The following URB1 variants were observed in gnomAD, a reference collection of about 807,000 sequenced individuals.
URB1 encodes the protein nucleolar pre-ribosomal-associated protein 1.
A neutral mutation model predicts 242.3 loss-of-function variants in URB1; 197 were observed. The ratio of observed to expected loss-of-function variants is 0.81; its 90% CI spans 0.72 to 0.91. The LOEUF (loss-of-function observed/expected upper bound fraction) is 0.91. Among genes scored for constraint, URB1 ranks in the 40% least tolerant of loss-of-function variants. The probability of loss-of-function intolerance (pLI) is 0.00; values close to 1 mark genes in which losing one functional copy is unlikely to be tolerated. For missense variants in URB1, 2,721 were observed against 2,860.5 expected (o/e 0.95, Z 1.11); for synonymous variants, 1,153 against 1,201.8 (o/e 0.96, Z 0.84).
Position 32,337,430 on chromosome 21 carries a change from GC to G in URB1, c.4594del (p.Ala1532ProfsTer9). On this transcript the variant is annotated frameshift_variant, in exon 27 of 39. Transcript: ENST00000382751. LOFTEE classifies it high-confidence loss of function. The part of the protein sequence containing the change: ...ESSHFAVLLG[A>X]YGATLSVLDQ... ...TAGGACGCTGAGAGTGGCGCCATAG[GC>G]CCCGAGAAGCACTGCAAAGTGGCTG... 1 of 1,551,580 alleles carries G rather than the reference GC, an allele frequency of 6.4e-7. No individual in the cohort carries two copies. Among genetic ancestry groups the G allele is most frequent in the Non-Finnish European group, 8.7e-7 (1 of 1,146,946 alleles).
intron 25 of URB1, among the ~76,000 whole-genome samples, chr21:32,340,175 C>G (rs1044465492): frequency 6.6e-6 from 1 of 152,204 alleles, no homozygotes; most frequent in Non-Finnish European, 1.5e-5. Flanking sequence ...AAATACTTTT[C>G]TCTGTTTCAA....
intron 10 of URB1, among the ~76,000 whole-genome samples, chr21:32,363,738 C>T (rs749959385): frequency 4.6e-5 from 7 of 152,070 alleles, no homozygotes; most frequent in Non-Finnish European, 7.4e-5. Context: ...CATAGCTCAC[C>T]GCAGCCTCAA....
rs1312360633 is a variant in URB1 at position 32,313,871 on chromosome 21, A to G, written c.*1047T>C. ...AACTAATATATGACCATTAAGAGTA[A>G]AATTCTGACCTTTAAAATAAATGCA... On this transcript the variant is annotated 3_prime_UTR_variant, in exon 39 of 39. Coordinates refer to ENST00000382751, the MANE Select transcript of URB1 (RefSeq NM_014825.3). 3 of 152,256 alleles carry G rather than the reference A, an allele frequency of 2.0e-5. No homozygotes were observed. The highest frequency in any genetic ancestry group is 7.2e-5 in the African/African-American group (3 of 41,458). The allele number at this position is 152,256 out of a possible 1,614,324, so 9.4% of individuals were successfully genotyped here.
In URB1 at chr21:32,362,040, C is replaced by T. The variant is rs1044986872; in HGVS notation, c.1510-19G>A. On this transcript the variant is annotated intron_variant, in intron 11 of 38. Transcript: ENST00000382751. ...GCAAAATCTAAATGGGAAAAAGAAG[C>T]AGAACATTAGTTGTAGTCAACCACA... The T allele has an allele frequency of 1.9e-6, 3 of 1,550,254 alleles. No individual in the cohort carries two copies. The highest frequency in any genetic ancestry group is 3.9e-5 in the Admixed American group (2 of 50,748).
intron 2 of URB1, among the ~76,000 whole-genome samples, chr21:32,385,007 A>AAAAGAAAGAAAGAAAGAAAGAAAG (rs56918578): frequency 3.2e-4 from 49 of 151,026 alleles, no homozygotes; most frequent in African/African-American, 1.2e-3. Flanking sequence ...AAAAGAAAAG[A>AAAAGAAAGAAAGAAAGAAAGAAAG]AAAGAAAGAA....
intron 30 of URB1, among the ~76,000 whole-genome samples, chr21:32,326,522 T>G (rs1453968112): frequency 1.3e-5 from 2 of 152,194 alleles, no homozygotes; most frequent in Non-Finnish European, 2.9e-5. Flanking sequence ...GGTTTGGATT[T>G]GTGGCCCTAC....
intron 31 of URB1, 27 bp downstream of exon 31, chr21:32,325,202 A>G (rs772125771): frequency 6.5e-7 from 1 of 1,532,638 alleles, no homozygotes; most frequent in Non-Finnish European, 8.8e-7. Context: ...CCACCCCCAC[A>G]GTAGGATGTA....
At chr21:32,364,853 CACTT>C (rs1261398737) in intron 10 of URB1, among the ~76,000 whole-genome samples, 1 of 152,204 alleles carries the variant, frequency 6.6e-6, no homozygotes, top group Non-Finnish European at 1.5e-5. Flanking sequence ...CACTGGGTCT[CACTT>C]ACATAAAAAC....
At chr21:32,339,489 T>C (rs2033002942) in intron 25 of URB1, among the ~76,000 whole-genome samples, 2 of 151,130 alleles carry the variant, frequency 1.3e-5, no homozygotes, top group Middle Eastern at 3.4e-3. Context: ...TTTTCTTTTT[T>C]TTTTCTTTTT....
At chr21:32,318,235 C>G (rs1373406628) in intron 36 of URB1, among the ~76,000 whole-genome samples, 1 of 152,158 alleles carries the variant, frequency 6.6e-6, no homozygotes, top group East Asian at 1.9e-4. Flanking sequence ...TGCGAGGGCT[C>G]CACTCCAGGC....
At chr21:32,356,706 T>C (rs1355864071) in intron 15 of URB1, among the ~76,000 whole-genome samples, 1 of 152,210 alleles carries the variant, frequency 6.6e-6, no homozygotes. Context: ...GACGAAATGA[T>C]TTCCCTAAAT....
rs754510391 is a variant in URB1, at chr21:32,314,925, T to C, written c.6809A>G (p.Asp2270Gly). 1 of 1,550,620 alleles carries C rather than the reference T, an allele frequency of 6.4e-7. No homozygotes were observed. Among genetic ancestry groups the C allele is most frequent in the Non-Finnish European group, 8.7e-7 (1 of 1,146,520 alleles). The change falls in exon 39 of 39, where the codon GAT (aspartate) becomes GGT (glycine). Residue 2270 changes from aspartate (D) to glycine (G), a missense_variant. Asp to Gly is a moderately conservative substitution (Grantham distance 94). Transcript: ENST00000382751. Reference protein sequence around the residue: ...LCKDAASAASDA With the variant: ...LCKDAASAASGA The stretch of plus-strand genomic sequence containing the variant: ...GGTGCTGGCCGGCAGGAGTCAAGCA[T>C]CTGAGGCTGCGCTGGCGGCGTCCTT...
At chr21:32,328,103 G>T (rs2032850994) in intron 30 of URB1, among the ~76,000 whole-genome samples, 1 of 152,154 alleles carries the variant, frequency 6.6e-6, no homozygotes. Context: ...GATGACTCTT[G>T]GGCATAGCAG....
chr21:32,351,005 C>T, intron 19 of URB1, 83 bp from the exon 20 acceptor site: 1 of 1,353,142 alleles, frequency 7.4e-7, no homozygotes, highest in Non-Finnish European at 1.0e-6. Context: ...TAACACACAA[C>T]AAACGGACAT....
At chr21:32,327,762 G>T (rs528864434) in intron 30 of URB1, among the ~76,000 whole-genome samples, 1 of 152,178 alleles carries the variant, frequency 6.6e-6, no homozygotes, top group Admixed American at 6.5e-5. Context: ...CTGTTACAAG[G>T]TCCTTATACT....
At chr21:32,321,256 C>T (rs2032761901) in intron 34 of URB1, among the ~76,000 whole-genome samples, 1 of 152,226 alleles carries the variant, frequency 6.6e-6, no homozygotes, top group South Asian at 2.1e-4. Flanking sequence ...TTTCCTATTT[C>T]CTTCTACCAC....
intron 7 of URB1, among the ~76,000 whole-genome samples, 168 bp from the exon 8 acceptor site, chr21:32,372,799 C>T (rs113276983): frequency 3.9e-5 from 6 of 152,210 alleles, no homozygotes; most frequent in East Asian, 1.9e-4. Flanking sequence ...AAAGATACAC[C>T]GATCAAGATA....
intron 30 of URB1, among the ~76,000 whole-genome samples, chr21:32,331,567 A>T (rs113093753): frequency 6.6e-6 from 1 of 152,202 alleles, no homozygotes; most frequent in East Asian, 1.9e-4. Context: ...TTCTTGCCTC[A>T]TTTGTCCTAG....
At chr21:32,355,375 A>T in intron 16 of URB1, 74 bp downstream of exon 16, 1 of 1,367,368 alleles carries the variant, frequency 7.3e-7, no homozygotes, top group Non-Finnish European at 1.0e-6. Flanking sequence ...TGCATCAAAA[A>T]TGCCTCGATG....
Sources: allele counts gnomAD v4.1 joint callset (sites outside exome capture counted in the v4.1 genomes callset), GRCh38; gene constraint gnomAD v4.1.1; transcripts MANE v1.5; gene names NCBI Gene and HGNC (gene_info 2026-07-23, HGNC 2026-07-21).